The following UNC5A variants were observed in gnomAD, a reference collection of about 807,000 sequenced individuals.
UNC5A encodes the protein netrin receptor UNC5A.
In UNC5A, 20 loss-of-function variants were observed where a neutral mutation model predicts 87.4. The observed-to-expected ratio is 0.23, with a 90% CI of 0.16 to 0.33. The LOEUF (loss-of-function observed/expected upper bound fraction) is 0.33, where lower values mean the gene tolerates loss of function less well. Ranked by LOEUF, UNC5A falls within the 10% of genes least tolerant of loss-of-function variation. The probability of loss-of-function intolerance (pLI) is 1.00; values close to 1 mark genes in which losing one functional copy is unlikely to be tolerated. For missense variants in UNC5A, 844 were observed against 1,133.4 expected (o/e 0.74, Z 3.67); for synonymous variants, 438 against 482.3 (o/e 0.91, Z 1.20).
At chr5:176,852,087 T>A (rs1327672564) in intron 1 of UNC5A, among the ~76,000 whole-genome samples, 2 of 152,172 alleles carry the variant, frequency 1.3e-5, no homozygotes, top group African/African-American at 4.8e-5. Context: ...GCCTCTCGCC[T>A]TTTGGGGAGC....
At chr5:176,847,770 C>G (rs1178516065) in intron 1 of UNC5A, among the ~76,000 whole-genome samples, 1 of 152,104 alleles carries the variant, frequency 6.6e-6, no homozygotes, top group African/African-American at 2.4e-5. Flanking sequence ...TATTAAGAGC[C>G]AATGACCCCT....
Position 176,848,952 on chromosome 5 carries a change from C to T in UNC5A, c.71-13672C>T, listed in dbSNP as rs1416852279. The stretch of plus-strand genomic sequence containing the variant: ...GGTACCTGGGGCAATGGACAGCCGA[C>T]CTCTCCGCCTCTGTCCAGGCCCAGG... On this transcript the variant is annotated intron_variant, in intron 1 of 14. Coordinates refer to ENST00000329542, the MANE Select transcript of UNC5A (RefSeq NM_133369.3). This position sits in a 1 kb window ranked among gnomAD's most constrained non-coding sequence, Gnocchi z 5.8. Among the ~76,000 whole-genome samples, 2 of 152,220 alleles carry T rather than the reference C, an allele frequency of 1.3e-5. No homozygotes were observed. The highest frequency in any genetic ancestry group is 1.5e-5 in the Non-Finnish European group (1 of 68,038).
chr5:176,824,157 G>T lies in UNC5A; in HGVS notation c.70+13337G>T, dbSNP rs1756795898. On this transcript the variant is annotated intron_variant, in intron 1 of 14. Coordinates refer to ENST00000329542, the MANE Select transcript of UNC5A (RefSeq NM_133369.3). The surrounding 1 kb of genome is among the most constrained non-coding windows in gnomAD (Gnocchi z 4.2). Reference sequence around the variant, plus strand: ...GGAGGTGCGGCCCCGATGCCTCCCGGGTTGGAGGCAGCAATGATGCAGGTT... The same window carrying T: ...GGAGGTGCGGCCCCGATGCCTCCCGTGTTGGAGGCAGCAATGATGCAGGTT... Among the ~76,000 whole-genome samples, 2 of 152,246 alleles carry T rather than the reference G, an allele frequency of 1.3e-5. No individual in the cohort carries two copies. The highest frequency in any genetic ancestry group is 2.9e-5 in the Non-Finnish European group (2 of 68,042).
chr5:176,851,565 G>A (rs78736832), intron 1 of UNC5A, among the ~76,000 whole-genome samples: 3,791 of 152,342 alleles, frequency 0.025, 137 homozygotes, highest in African/African-American at 0.081. Flanking sequence ...TGTAGGCCAC[G>A]CTGTTCATCA....
intron 1 of UNC5A, among the ~76,000 whole-genome samples, chr5:176,836,997 A>G (rs1757161522): frequency 6.6e-6 from 1 of 152,192 alleles, no homozygotes; most frequent in African/African-American, 2.4e-5. Flanking sequence ...GAACAACCTG[A>G]TACCCCGTCT....
At chr5:176,849,185 G>T (rs748786573) in intron 1 of UNC5A, among the ~76,000 whole-genome samples, 1 of 152,218 alleles carries the variant, frequency 6.6e-6, no homozygotes, top group East Asian at 1.9e-4. Context: ...TTGCCCTGCC[G>T]ACTTGTTTGG....
At chr5:176,853,520 G>A (rs1159532231) in intron 1 of UNC5A, among the ~76,000 whole-genome samples, 1 of 152,244 alleles carries the variant, frequency 6.6e-6, no homozygotes, top group East Asian at 1.9e-4. Context: ...GGGGAAGAGG[G>A]TGACTTTCCT....
Position 176,865,073 on chromosome 5 carries a change from G to A in UNC5A, c.292+2228G>A, listed in dbSNP as rs1178420195. ...CCATCCTGCCCCTTGCAGATTGGTC[G>A]GGGGAAGCCATGAAATCTCACGTGC... On this transcript the variant is annotated intron_variant, in intron 2 of 14. Transcript: ENST00000329542. The surrounding 1 kb of genome is among the most constrained non-coding windows in gnomAD (Gnocchi z 5.3). 6.0e-6 allele frequency: 2 copies of A among 333,158 alleles called. No individual in the cohort carries two copies. Among genetic ancestry groups the A allele is most frequent in the East Asian group, 9.2e-5 (1 of 10,902 alleles). 20.6% of individuals were successfully genotyped at this position (333,158 alleles called of 1,614,324 possible).
chr5:176,868,555 T>C lies in UNC5A; in HGVS notation c.437-6T>C. On this transcript the variant is annotated splice_region_variant and splice_polypyrimidine_tract_variant and intron_variant, in intron 3 of 14. Transcript: ENST00000329542. ...AGACAGGAGGACACTCTCATTCCTC[T>C]TCTAGATTTGCGCAAGAACTTCGAG... is the stretch of plus-strand genomic sequence containing the variant. 3 of 1,594,792 alleles carry C rather than the reference T, an allele frequency of 1.9e-6. No homozygotes were observed. Among genetic ancestry groups the C allele is most frequent in the Non-Finnish European group, 1.7e-6 (2 of 1,171,424 alleles).
In UNC5A at chr5:176,868,922, G is replaced by A. The variant is rs750035224; in HGVS notation, c.679G>A (p.Val227Met). 4.3e-6 allele frequency: 7 copies of A among 1,611,962 alleles called. No individual in the cohort carries two copies. The highest frequency in any genetic ancestry group is 1.7e-5 in the Admixed American group (1 of 59,908). The change falls in exon 5 of 15, where the codon GTG (valine) becomes ATG (methionine). Residue 227 changes from valine (V) to methionine (M), a missense_variant. Val to Met is a conservative substitution (Grantham distance 21, BLOSUM62 1). This residue lies in a region of UNC5A where 314 missense variants were observed against 466.5 expected (regional missense o/e 0.67). Transcript: ENST00000329542. ...ANYTCVAKNI[V>M]ARRRSASAAV... ...CTACACCTGCGTGGCCAAGAACATC[G>A]TGGCACGTCGCCGCAGCGCCTCCGC...
intron 1 of UNC5A, among the ~76,000 whole-genome samples, chr5:176,823,298 C>G (rs1173795038): frequency 6.6e-6 from 1 of 152,068 alleles, no homozygotes; most frequent in East Asian, 1.9e-4. Flanking sequence ...GAGCAAGAGG[C>G]TCCGCCCAGG....
Position 176,878,458 on chromosome 5 carries a change from C to G in UNC5A, c.2020-17C>G. 1.9e-6 allele frequency: 3 copies of G among 1,611,598 alleles called. No individual in the cohort carries two copies. The highest frequency in any genetic ancestry group is 2.5e-6 in the Non-Finnish European group (3 of 1,178,570). ...AGCTTGGGCTCACCTGACACCTCCT[C>G]TCTGCATCCCCATCAGGAGATCCCC... is the stretch of plus-strand genomic sequence containing the variant. On this transcript the variant is annotated splice_polypyrimidine_tract_variant and intron_variant, in intron 12 of 14. Coordinates refer to ENST00000329542, the MANE Select transcript of UNC5A (RefSeq NM_133369.3).
intron 2 of UNC5A, among the ~76,000 whole-genome samples, chr5:176,867,416 T>C (rs551754543): frequency 5.2e-4 from 79 of 152,274 alleles, no homozygotes; most frequent in African/African-American, 1.8e-3. Flanking sequence ...GCTCCCCCTC[T>C]GCTGGCTGCT....
At chr5:176,847,481 T>C (rs1440887037) in intron 1 of UNC5A, among the ~76,000 whole-genome samples, 1 of 152,054 alleles carries the variant, frequency 6.6e-6, no homozygotes, top group Non-Finnish European at 1.5e-5. Context: ...TTCTCATTAA[T>C]ATACTTAAAG....
chr5:176,869,901 C>G lies in UNC5A; in HGVS notation c.722-469C>G. The G allele has an allele frequency of 1.7e-6, 1 of 581,660 alleles. No individual in the cohort carries two copies. Among genetic ancestry groups the G allele is most frequent in the East Asian group, 2.9e-5 (1 of 34,374 alleles). The allele number at this position is 581,660 out of a possible 1,614,324, so 36.0% of individuals were successfully genotyped here. ...ATCCCACCCACCCGCCACGCAGGGC[C>G]AGGCTCAGTCTGAGGCGGGGATCGG... On this transcript the variant is annotated intron_variant, in intron 5 of 14. Coordinates refer to ENST00000329542, the MANE Select transcript of UNC5A (RefSeq NM_133369.3). The surrounding 1 kb of genome is among the most constrained non-coding windows in gnomAD (Gnocchi z 9.1).
At chr5:176,834,663 T>TC in intron 1 of UNC5A, among the ~76,000 whole-genome samples, 1 of 50,528 alleles carries the variant, frequency 2.0e-5, no homozygotes, top group Non-Finnish European at 4.7e-5. Context: ...CCACGTCCCG[T>TC]CTTCTCTCTC....
intron 6 of UNC5A, 119 bp from the exon 7 acceptor site, chr5:176,873,849 C>T: frequency 9.5e-7 from 1 of 1,051,940 alleles, no homozygotes; most frequent in Admixed American, 2.2e-5. Flanking sequence ...GCGTCTGCTC[C>T]CTAGCTAGTG....
chr5:176,841,142 AG>A lies in UNC5A; in HGVS notation c.71-21477del, dbSNP rs572423089. On this transcript the variant is annotated intron_variant, in intron 1 of 14. Transcript: ENST00000329542. The surrounding 1 kb of genome is among the most constrained non-coding windows in gnomAD (Gnocchi z 4.1). The stretch of plus-strand genomic sequence containing the variant: ...TCTCTTCAGCTAAACTTGTAAGGTC[AG>A]GGGGTCAGGACCACATGGTAATGAT... Among the ~76,000 whole-genome samples the A allele has an allele frequency of 5.9e-5, 9 of 152,376 alleles. No individual in the cohort carries two copies. Among genetic ancestry groups the A allele is most frequent in the Middle Eastern group, 3.4e-3 (1 of 294 alleles).
At chr5:176,827,179 C>CTTTTTTTTTTTTTTT in intron 1 of UNC5A, among the ~76,000 whole-genome samples, 1 of 107,580 alleles carries the variant, frequency 9.3e-6, no homozygotes, top group Non-Finnish European at 1.7e-5. Context: ...TGCTTCATTC[C>CTTTTTTTTTTTTTTT]TTTTTTTTTT....
Sources: allele counts gnomAD v4.1 joint callset (sites outside exome capture counted in the v4.1 genomes callset), GRCh38; gene constraint gnomAD v4.1.1; regional missense constraint gnomAD v4.1.1; non-coding constraint Gnocchi (gnomAD v3.1); transcripts MANE v1.5; gene names NCBI Gene and HGNC (gene_info 2026-07-23, HGNC 2026-07-21).